The following PSPH variants were observed in gnomAD, a reference collection of about 807,000 sequenced individuals.
PSPH encodes the protein L-3-phosphoserine phosphatase.
Under a neutral mutation model 23.4 loss-of-function variants are expected in PSPH, and 16 were observed. That is an observed-to-expected ratio of 0.68 (90% CI 0.46 to 1.04). The LOEUF (loss-of-function observed/expected upper bound fraction) is 1.04, where lower values mean the gene tolerates loss of function less well. PSPH is among the 50% of genes least tolerant of loss of function. The pLI is 0.00. For synonymous variants in PSPH, 68 were observed against 99.7 expected, an observed-to-expected ratio of 0.68 and a Z score of 1.89; for missense variants, 223 against 273.7, an observed-to-expected ratio of 0.81 and a Z score of 1.31.
intron 1 of PSPH, among the ~76,000 whole-genome samples, chr7:56,034,697 T>C (rs1308417292): frequency 6.6e-6 from 1 of 151,918 alleles, no homozygotes; most frequent in Non-Finnish European, 1.5e-5. Context: ...TTGTATTTTT[T>C]AATAGAGACG....
chr7:56,031,659 G>A (rs6955423), intron 3 of PSPH, among the ~76,000 whole-genome samples: 107,179 of 151,904 alleles, frequency 0.71, 38,209 homozygotes, highest in Non-Finnish European at 0.76. Context: ...CTAAACATAC[G>A]AAAATTAGCC....
At chr7:56,022,036 G>A (rs529313333) in intron 3 of PSPH, among the ~76,000 whole-genome samples, 3 of 151,944 alleles carry the variant, frequency 2.0e-5, no homozygotes, top group Admixed American at 2.0e-4. Flanking sequence ...TATGAAACAG[G>A]GCTTCAGACT....
chr7:56,015,549 TAGGTC>T (rs1298060064), intron 6 of PSPH, among the ~76,000 whole-genome samples: 1 of 152,058 alleles, frequency 6.6e-6, no homozygotes, highest in Non-Finnish European at 1.5e-5. Flanking sequence ...ATGGCTCTAT[TAGGTC>T]ATAAATAAAT....
chr7:56,017,976 GC>G (rs201881668), intron 5 of PSPH, among the ~76,000 whole-genome samples: 1,675 of 151,804 alleles, frequency 0.011, 32 homozygotes, highest in African/African-American at 0.037. Context: ...GCCTGTCTTG[GC>G]CTCCCAAAGT....
At chr7:56,050,662 A>G (rs948455374) in intron 1 of PSPH, among the ~76,000 whole-genome samples, 3 of 152,222 alleles carry the variant, frequency 2.0e-5, no homozygotes, top group Admixed American at 2.0e-4. Flanking sequence ...CACTTAAAGT[A>G]TAACACACCC....
At chr7:56,017,612 C>T (rs551092758) in intron 5 of PSPH, among the ~76,000 whole-genome samples, 4 of 150,808 alleles carry the variant, frequency 2.7e-5, no homozygotes, top group Admixed American at 2.0e-4. Flanking sequence ...TGCAGTGGTG[C>T]GATCTCGGCT....
rs1261203857 is a variant in PSPH at position 56,034,053 on chromosome 7, G to A, written c.-238C>T. 1 of 152,594 alleles carries A rather than the reference G, an allele frequency of 6.6e-6. No individual in the cohort carries two copies. The highest frequency in any genetic ancestry group is 1.5e-5 in the Non-Finnish European group (1 of 68,352). 9.5% of individuals were successfully genotyped at this position (152,594 alleles called of 1,614,324 possible). ...CCGACGCTCGGGCGAGCAGTTCCCA[G>A]GGAGGTGAGCTGTGCAGACCCAGGG... is the stretch of plus-strand genomic sequence containing the variant. On this transcript the variant is annotated 5_prime_UTR_variant, in exon 2 of 8. Coordinates refer to ENST00000275605, the MANE Select transcript of PSPH (RefSeq NM_004577.4).
chr7:56,039,791 A>C (rs1006801942), intron 1 of PSPH, among the ~76,000 whole-genome samples: 1 of 149,666 alleles, frequency 6.7e-6, no homozygotes, highest in South Asian at 2.1e-4. Flanking sequence ...AAAAAAAAAA[A>C]AATTAAAAAA....
At chr7:56,017,618 C>T (rs1050387711) in intron 5 of PSPH, among the ~76,000 whole-genome samples, 3 of 151,006 alleles carry the variant, frequency 2.0e-5, no homozygotes, top group African/African-American at 4.9e-5. Context: ...GGTGCGATCT[C>T]GGCTCACTGC....
chr7:56,044,082 G>C (rs1303691102), intron 1 of PSPH, among the ~76,000 whole-genome samples: 1 of 151,942 alleles, frequency 6.6e-6, no homozygotes, highest in African/African-American at 2.4e-5. Flanking sequence ...TCAGCCTCCC[G>C]TGTAGCTGGG....
At chr7:56,037,467 G>A (rs1448977018) in intron 1 of PSPH, among the ~76,000 whole-genome samples, 1 of 149,296 alleles carries the variant, frequency 6.7e-6, no homozygotes, top group Non-Finnish European at 1.5e-5. Flanking sequence ...AACCCAGGCT[G>A]AAGTGCAGTG....
In PSPH at chr7:56,011,072, T is replaced by C. The variant is rs1787866908; in HGVS notation, c.*690A>G. On this transcript the variant is annotated 3_prime_UTR_variant, in exon 8 of 8. Coordinates refer to ENST00000275605, the MANE Select transcript of PSPH (RefSeq NM_004577.4). The stretch of plus-strand genomic sequence containing the variant: ...AAAATTCCACAAATCCGTTCTGACA[T>C]ACGGATAAACTTTTATTGACATACC... 6.7e-6 allele frequency: 1 copy of C among 149,764 alleles called. No individual in the cohort carries two copies. Among genetic ancestry groups the C allele is most frequent in the Non-Finnish European group, 1.5e-5 (1 of 68,030 alleles). 9.3% of individuals were successfully genotyped at this position (149,764 alleles called of 1,614,324 possible).
intron 5 of PSPH, among the ~76,000 whole-genome samples, chr7:56,019,352 T>C (rs1320649469): frequency 1.3e-5 from 2 of 151,704 alleles, no homozygotes; most frequent in Non-Finnish European, 2.9e-5. Flanking sequence ...GGCAGGAGAA[T>C]TGCATGAACT....
chr7:56,034,741 T>C (rs1056554208), intron 1 of PSPH, among the ~76,000 whole-genome samples: 30 of 151,670 alleles, frequency 2.0e-4, no homozygotes, highest in African/African-American at 5.3e-4. Flanking sequence ...TGGTCTCGAT[T>C]TCCTGACCTC....
chr7:56,021,346 G>A (rs1789386776), intron 3 of PSPH, 115 bp from the exon 4 acceptor site: 2 of 945,156 alleles, frequency 2.1e-6, no homozygotes, highest in Non-Finnish European at 1.6e-6. Flanking sequence ...CCACATAAGA[G>A]TGTTCTCACA....
At chr7:56,039,001 GGTGTAGTGGT>G (rs1792117363) in intron 1 of PSPH, among the ~76,000 whole-genome samples, 3 of 151,920 alleles carry the variant, frequency 2.0e-5, no homozygotes, top group Non-Finnish European at 4.4e-5. Flanking sequence ...AAATTAGCTG[GGTGTAGTGGT>G]GCATACCTGT....
At chr7:56,027,499 G>A (rs1376331798) in intron 3 of PSPH, among the ~76,000 whole-genome samples, 2 of 150,504 alleles carry the variant, frequency 1.3e-5, no homozygotes, top group African/African-American at 2.4e-5. Flanking sequence ...GCCAAGGCAG[G>A]CGAATCACAA....
At chr7:56,018,847 G>A (rs894481875) in intron 5 of PSPH, among the ~76,000 whole-genome samples, 5 of 152,062 alleles carry the variant, frequency 3.3e-5, no homozygotes, top group African/African-American at 4.8e-5. Flanking sequence ...GCCTACGTCT[G>A]TAGTCCCAGC....
intron 1 of PSPH, among the ~76,000 whole-genome samples, chr7:56,039,291 AC>A (rs1240371049): frequency 6.6e-6 from 1 of 152,156 alleles, no homozygotes; most frequent in Non-Finnish European, 1.5e-5. Context: ...ATAATTTACA[AC>A]ATAAAATTCA....
Sources: gnomAD v4.1 joint callset for allele counts (sites outside exome capture counted in the v4.1 genomes callset) on GRCh38, gnomAD v4.1.1 for gene constraint, MANE v1.5 for transcripts, NCBI Gene and HGNC (gene_info 2026-07-23, HGNC 2026-07-21) for gene names.